CACNA2D3: variants seen among roughly 807,000 people sequenced by gnomAD.
The protein encoded by CACNA2D3 is voltage-dependent calcium channel subunit alpha-2/delta-3.
Under a neutral mutation model 160.6 loss-of-function variants are expected in CACNA2D3, and 60 were observed. The observed-to-expected ratio is 0.37, with a 90% CI of 0.30 to 0.46. The LOEUF is 0.46. CACNA2D3 is among the 20% of genes least tolerant of loss of function. The pLI, the probability that CACNA2D3 is intolerant of heterozygous loss-of-function variation, is 1.00. For missense variants in CACNA2D3, 1,205 were observed against 1,365.0 expected (o/e 0.88, Z 1.85); for synonymous variants, 558 against 492.9 (o/e 1.13, Z -1.75).
chr3:54,909,896 A>G (rs1403832657), intron 27 of CACNA2D3, among the ~76,000 whole-genome samples: 3 of 152,162 alleles, frequency 2.0e-5, no homozygotes, highest in South Asian at 2.1e-4. Context: ...ACGGAAGCCA[A>G]AAGATTGGAC....
chr3:54,739,708 A>G lies in CACNA2D3; in HGVS notation c.1168-12891A>G, dbSNP rs962619154. ...ACCAAGCTCTTTGTGGGGAGGGTGC[A>G]GTAGCGACCCAGTTCTGGAATGACA... On this transcript the variant is annotated intron_variant, in intron 11 of 37. Transcript: ENST00000474759. 6.0e-5 allele frequency among the ~76,000 whole-genome samples: 9 copies of G among 150,508 alleles called. No homozygotes were observed. In the South Asian group the frequency reaches 6.3e-4, roughly 11 times the overall value.
At chr3:54,592,759 C>T (rs753059515) in intron 9 of CACNA2D3, among the ~76,000 whole-genome samples, 74 of 152,154 alleles carry the variant, frequency 4.9e-4, no homozygotes, top group Non-Finnish European at 1.0e-3. Flanking sequence ...CCTTAGAAAC[C>T]CTTGTAACTT....
chr3:54,373,192 G>C (rs958851391), intron 3 of CACNA2D3, among the ~76,000 whole-genome samples: 1 of 152,170 alleles, frequency 6.6e-6, no homozygotes, highest in African/African-American at 2.4e-5. Flanking sequence ...ATCGAAACCA[G>C]GGACTTGTGT....
At chr3:54,474,364 CAG>C (rs1468647515) in intron 4 of CACNA2D3, among the ~76,000 whole-genome samples, 1 of 151,316 alleles carries the variant, frequency 6.6e-6, no homozygotes, top group Non-Finnish European at 1.5e-5. Context: ...CACATGGACA[CAG>C]GGAGGGGAAC....
intron 31 of CACNA2D3, among the ~76,000 whole-genome samples, chr3:54,997,022 G>C (rs1444685059): frequency 6.7e-6 from 1 of 148,358 alleles, no homozygotes; most frequent in Admixed American, 6.6e-5. Context: ...GGGCCTGTCA[G>C]GGGGTGGAGG....
intron 35 of CACNA2D3, among the ~76,000 whole-genome samples, chr3:55,066,810 C>T (rs1704650896): frequency 1.3e-5 from 2 of 152,098 alleles, no homozygotes; most frequent in African/African-American, 4.8e-5. Context: ...TAGAAACAAC[C>T]GCTGTGATTC....
chr3:54,198,872 G>A (rs1023039234), intron 2 of CACNA2D3, among the ~76,000 whole-genome samples: 20 of 152,254 alleles, frequency 1.3e-4, no homozygotes, highest in Non-Finnish European at 2.6e-4. Flanking sequence ...GGATTTTTCT[G>A]TGCTGAGTGA....
At chr3:55,032,724 A>T (rs1227141944) in intron 35 of CACNA2D3, among the ~76,000 whole-genome samples, 2 of 152,134 alleles carry the variant, frequency 1.3e-5, no homozygotes, top group African/African-American at 4.8e-5. Flanking sequence ...CTTGATGTGA[A>T]TATTACAAGG....
chr3:54,819,535 C>T (rs1050227011), intron 14 of CACNA2D3, among the ~76,000 whole-genome samples: 1 of 152,024 alleles, frequency 6.6e-6, no homozygotes, highest in Non-Finnish European at 1.5e-5. Flanking sequence ...TATGGGTGCT[C>T]CCCCCATTTC....
chr3:54,852,102 G>A lies in CACNA2D3; in HGVS notation c.1626+5635G>A, dbSNP rs141882440. Among the ~76,000 whole-genome samples the A allele has an allele frequency of 8.0e-3, 1,225 of 152,362 alleles. 23 individuals are homozygous for A. The highest frequency in any genetic ancestry group is 0.028 in the African/African-American group (1,148 of 41,590). On this transcript the variant is annotated intron_variant, in intron 17 of 37. Coordinates refer to ENST00000474759, the MANE Select transcript of CACNA2D3 (RefSeq NM_018398.3). ...GCCATCCTGGAAGTCTGGGCCAACA[G>A]TTAGTGGCCAGTTAGCCTCCTCTGC...
chr3:54,686,169 TATAA>T (rs1340995610), intron 11 of CACNA2D3, among the ~76,000 whole-genome samples: 3 of 152,248 alleles, frequency 2.0e-5, no homozygotes, highest in Non-Finnish European at 4.4e-5. Flanking sequence ...TGCCTATTGA[TATAA>T]ATAAAGTTTT....
At chr3:54,765,938 T>A (rs998627287) in intron 13 of CACNA2D3, among the ~76,000 whole-genome samples, 2 of 152,078 alleles carry the variant, frequency 1.3e-5, no homozygotes, top group African/African-American at 2.4e-5. Context: ...ATTAGTTCAG[T>A]CTTCACATCA....
chr3:55,072,285 AAAAG>A (rs1253943992), intron 35 of CACNA2D3, among the ~76,000 whole-genome samples: 4 of 152,182 alleles, frequency 2.6e-5, no homozygotes, highest in African/African-American at 9.7e-5. Context: ...GCATTTATAG[AAAAG>A]AAAGAAACCA....
At chr3:54,614,467 G>A (rs1002851746) in intron 9 of CACNA2D3, among the ~76,000 whole-genome samples, 14 of 152,188 alleles carry the variant, frequency 9.2e-5, no homozygotes, top group African/African-American at 3.1e-4. Flanking sequence ...TTGTCACTTT[G>A]CCTGTCAGGT....
chr3:54,216,596 C>T (rs925376246), intron 2 of CACNA2D3, among the ~76,000 whole-genome samples: 4 of 152,218 alleles, frequency 2.6e-5, no homozygotes, highest in Non-Finnish European at 5.9e-5. Flanking sequence ...AAAAGCATTT[C>T]ACAGAAGGCG....
chr3:54,562,997 T>G lies in CACNA2D3; in HGVS notation c.676+66T>G, dbSNP rs547410726. The G allele has an allele frequency of 3.1e-5, 46 of 1,487,328 alleles. No individual in the cohort carries two copies. The African/African-American group carries it at 5.2e-4, about 17-fold the overall frequency. 92.1% of individuals were successfully genotyped at this position (1,487,328 alleles called of 1,614,324 possible). ...ATAACTGATAATGTGGTATTTTTCT[T>G]TAGGGTTCAAGGTTAAAACTTTTCT... On this transcript the variant is annotated intron_variant, in intron 6 of 37. Transcript: ENST00000474759.
intron 9 of CACNA2D3, among the ~76,000 whole-genome samples, chr3:54,608,689 G>C (rs1220486132): frequency 6.6e-6 from 1 of 152,318 alleles, no homozygotes; most frequent in Admixed American, 6.5e-5. Context: ...CTTCATCCTT[G>C]CTGCTTGCTA....
Position 54,512,671 on chromosome 3 carries a change from C to T in CACNA2D3, c.544+9017C>T, listed in dbSNP as rs375787618. ...TCAGTCTTTGATACCTGCACCTGCT[C>T]TCCACCCACCTGCTCATGATGCATG... is the stretch of plus-strand genomic sequence containing the variant. On this transcript the variant is annotated intron_variant, in intron 5 of 37. Transcript: ENST00000474759. 2.6e-5 allele frequency among the ~76,000 whole-genome samples: 4 copies of T among 152,306 alleles called. No homozygotes were observed. In the East Asian group the frequency reaches 5.8e-4, roughly 22 times the overall value.
chr3:54,620,547 A>G (rs927909147), intron 9 of CACNA2D3, among the ~76,000 whole-genome samples: 5 of 152,198 alleles, frequency 3.3e-5, no homozygotes, highest in Non-Finnish European at 7.3e-5. Context: ...ATACAATTAT[A>G]AAGAATTTCA....
Sources: gnomAD v4.1 joint callset for allele counts (sites outside exome capture counted in the v4.1 genomes callset) on GRCh38, gnomAD v4.1.1 for gene constraint, MANE v1.5 for transcripts, NCBI Gene and HGNC (gene_info 2026-07-23, HGNC 2026-07-21) for gene names.